The following LINC00305 variants were observed in gnomAD, a reference collection of about 807,000 sequenced individuals.
LINC00305 encodes the protein long independently transcribed non-coding RNA 305.
chr18:64,134,409 T>C (rs898747223), intron 1 of LINC00305, among the ~76,000 whole-genome samples: 2 of 152,240 alleles, frequency 1.3e-5, no homozygotes, highest in Non-Finnish European at 2.9e-5. Context: ...TGAGAAAATA[T>C]GACTTCTCTG....
At chr18:64,133,430 C>T (rs992964633) in intron 1 of LINC00305, among the ~76,000 whole-genome samples, 1 of 152,204 alleles carries the variant, frequency 6.6e-6, no homozygotes, top group Non-Finnish European at 1.5e-5. Context: ...ACTTACTCCT[C>T]TCTAATCCAT....
chr18:64,099,633 A>G (rs1306103862), intron 1 of LINC00305, among the ~76,000 whole-genome samples: 1 of 152,186 alleles, frequency 6.6e-6, no homozygotes, highest in African/African-American at 2.4e-5. Context: ...GATTTCACAG[A>G]GGATTTAACG....
chr18:64,148,407 ATTT>A (rs11338483), intron 1 of LINC00305, among the ~76,000 whole-genome samples: 2,351 of 149,984 alleles, frequency 0.016, 51 homozygotes, highest in East Asian at 0.11. Context: ...AGAAAAATGC[ATTT>A]TTTTTTTTTT....
chr18:64,107,871 GCTGGTT>G (rs1005756211), intron 1 of LINC00305, among the ~76,000 whole-genome samples: 5 of 152,152 alleles, frequency 3.3e-5, no homozygotes, highest in African/African-American at 1.2e-4. Context: ...ATGACAATAG[GCTGGTT>G]CTACATCTCC....
intron 1 of LINC00305, among the ~76,000 whole-genome samples, chr18:64,131,751 G>A (rs1419199989): frequency 1.3e-5 from 2 of 152,254 alleles, no homozygotes; most frequent in African/African-American, 2.4e-5. Context: ...CACTCGTTAG[G>A]GATTTGGTGC....
chr18:64,092,672 A>C (rs1004616846), intron 3 of LINC00305, among the ~76,000 whole-genome samples: 1 of 152,180 alleles, frequency 6.6e-6, no homozygotes, highest in Non-Finnish European at 1.5e-5. Flanking sequence ...GTGAGGTGTG[A>C]ATGATACTGG....
intron 1 of LINC00305, among the ~76,000 whole-genome samples, chr18:64,130,496 A>G (rs2051404747): frequency 6.7e-6 from 1 of 149,934 alleles, no homozygotes; most frequent in Non-Finnish European, 1.5e-5. Flanking sequence ...TGTGCGCCAA[A>G]CACATTTCCA....
At chr18:64,141,788 CT>C (rs2051464772) in intron 1 of LINC00305, among the ~76,000 whole-genome samples, 1 of 152,168 alleles carries the variant, frequency 6.6e-6, no homozygotes, top group African/African-American at 2.4e-5. Context: ...TCTCAAAACG[CT>C]TTGGTATGAT....
chr18:64,136,415 G>T (rs2051434216), intron 1 of LINC00305, among the ~76,000 whole-genome samples: 1 of 152,122 alleles, frequency 6.6e-6, no homozygotes, highest in African/African-American at 2.4e-5. Flanking sequence ...ATGGCAGAAG[G>T]CACCTCTTCA....
At chr18:64,092,368 C>T (rs1416496559) in intron 3 of LINC00305, among the ~76,000 whole-genome samples, 2 of 152,214 alleles carry the variant, frequency 1.3e-5, no homozygotes, top group African/African-American at 4.8e-5. Context: ...CGAGACCATC[C>T]TGGCCAACAT....
At chr18:64,082,176 A>C (rs1042552299) in intron 3 of LINC00305, among the ~76,000 whole-genome samples, 2 of 152,176 alleles carry the variant, frequency 1.3e-5, no homozygotes, top group Non-Finnish European at 2.9e-5. Flanking sequence ...GGATAACATC[A>C]CTATTGTAAA....
At chr18:64,112,449 GAA>G (rs1455238033) in intron 1 of LINC00305, among the ~76,000 whole-genome samples, 2 of 151,880 alleles carry the variant, frequency 1.3e-5, no homozygotes, top group Non-Finnish European at 2.9e-5. Context: ...TCCGTTGGAA[GAA>G]AATATGTGGA....
chr18:64,096,571 G>A lies in LINC00305; in HGVS notation n.540+1263C>T, dbSNP rs531274875. Among the ~76,000 whole-genome samples, 28 of 151,788 alleles carry A rather than the reference G, an allele frequency of 1.8e-4. No individual in the cohort carries two copies. The East Asian group carries it at 4.3e-3, about 23-fold the overall frequency. On this transcript the variant is annotated intron_variant and non_coding_transcript_variant, in intron 3 of 3. Coordinates refer to ENST00000666468, the Ensembl canonical transcript of LINC00305. ...AAATATGAATTATTTATTAAATGTC[G>A]AGCGTTAACTATCAGGAAAATGTAA...
intron 1 of LINC00305, among the ~76,000 whole-genome samples, chr18:64,101,086 A>C (rs2051266369): frequency 1.3e-5 from 2 of 152,176 alleles, no homozygotes; most frequent in Admixed American, 6.5e-5. Context: ...ACCATTGCTA[A>C]GTGCTGTTTA....
At chr18:64,146,095 T>G (rs1392903727) in intron 1 of LINC00305, among the ~76,000 whole-genome samples, 1 of 152,186 alleles carries the variant, frequency 6.6e-6, no homozygotes, top group Non-Finnish European at 1.5e-5. Context: ...ACAATTATCT[T>G]TTTATTTTAA....
chr18:64,118,116 TTCTAGTCAGGGGGTGTC>T (rs2051345817), intron 1 of LINC00305, among the ~76,000 whole-genome samples: 1 of 152,130 alleles, frequency 6.6e-6, no homozygotes, highest in Non-Finnish European at 1.5e-5. Flanking sequence ...AGGCATTTCA[TTCTAGTCAGGGGGTGTC>T]TCTGGTATTT....
intron 1 of LINC00305, among the ~76,000 whole-genome samples, chr18:64,123,485 T>A (rs1225800653): frequency 6.6e-6 from 1 of 152,078 alleles, no homozygotes. Flanking sequence ...ATGCCCAGTC[T>A]TTTTTTAAAA....
intron 2 of LINC00305, among the ~76,000 whole-genome samples, chr18:64,098,336 A>T (rs534114058): frequency 1.3e-5 from 2 of 152,334 alleles, no homozygotes; most frequent in Non-Finnish European, 2.9e-5. Context: ...AGTGTAACCT[A>T]GAGTGCAGAA....
chr18:64,093,139 A>G (rs2062508700), intron 3 of LINC00305, among the ~76,000 whole-genome samples: 2 of 152,022 alleles, frequency 1.3e-5, no homozygotes, highest in Admixed American at 6.6e-5. Flanking sequence ...CCCATACTTT[A>G]CTCTTAGCAA....
Sources: gnomAD v4.1 joint callset for allele counts (sites outside exome capture counted in the v4.1 genomes callset) on GRCh38, gnomAD v4.1.1 for gene constraint, MANE v1.5 for transcripts, NCBI Gene and HGNC (gene_info 2026-07-23, HGNC 2026-07-21) for gene names.